Variants in FRMD4A observed in about 807,000 individuals in gnomAD.
The protein encoded by FRMD4A is FERM domain-containing protein 4A.
Under a neutral mutation model 129.1 loss-of-function variants are expected in FRMD4A, and 29 were observed. That is an observed-to-expected ratio of 0.22 (90% confidence interval 0.17 to 0.31). FRMD4A has a LOEUF of 0.31. Among genes scored for constraint, FRMD4A ranks in the 10% least tolerant of loss-of-function variants. The probability of loss-of-function intolerance (pLI) is 1.00; values close to 1 mark genes in which losing one functional copy is unlikely to be tolerated. For synonymous variants in FRMD4A, 634 were observed against 571.6 expected, an observed-to-expected ratio of 1.11 and a Z score of -1.56; for missense variants, 1,272 against 1,375.8, an observed-to-expected ratio of 0.92 and a Z score of 1.19.
At chr10:14,006,910 G>A (rs1024470233) in intron 2 of FRMD4A, among the ~76,000 whole-genome samples, 3 of 152,038 alleles carry the variant, frequency 2.0e-5, no homozygotes, top group Admixed American at 6.6e-5. Flanking sequence ...AATAAAGACC[G>A]ACACACAACC....
chr10:13,873,262 A>G lies in FRMD4A; in HGVS notation c.46-14350T>C, dbSNP rs1589118313. 3.7e-5 allele frequency among the ~76,000 whole-genome samples: 3 copies of G among 80,822 alleles called. 1 individual carries two copies. The highest frequency in any genetic ancestry group is 1.5e-4 in the African/African-American group (3 of 19,466). 53.0% of individuals were successfully genotyped at this position (80,822 alleles called of 152,430 possible). Reference sequence around the variant, plus strand: ...AGTTTTTAAAAGCCTAGAAAAAAAGATAAGGCTGAAAAAAAAAAAAGATAA... The same window carrying G: ...AGTTTTTAAAAGCCTAGAAAAAAAGGTAAGGCTGAAAAAAAAAAAAGATAA... On this transcript the variant is annotated intron_variant, in intron 2 of 24. Transcript: ENST00000357447.
chr10:14,186,209 C>G (rs1340222647), intron 2 of FRMD4A, among the ~76,000 whole-genome samples: 2 of 151,364 alleles, frequency 1.3e-5, no homozygotes, highest in African/African-American at 4.9e-5. Context: ...GATAACAAAA[C>G]AGGCTACAAT....
intron 2 of FRMD4A, among the ~76,000 whole-genome samples, chr10:14,119,328 A>C (rs1487069936): frequency 1.3e-5 from 2 of 152,094 alleles, no homozygotes; most frequent in Non-Finnish European, 2.9e-5. Context: ...TTAAAACTAC[A>C]CCTGCAGTAA....
chr10:14,049,144 T>C (rs755604360), intron 2 of FRMD4A, among the ~76,000 whole-genome samples: 4 of 152,208 alleles, frequency 2.6e-5, no homozygotes, highest in Admixed American at 6.5e-5. Flanking sequence ...GATCTAGGGA[T>C]GTGGCCTGTT....
intron 2 of FRMD4A, among the ~76,000 whole-genome samples, chr10:14,278,703 C>T (rs1167105701): frequency 1.3e-5 from 2 of 152,160 alleles, no homozygotes; most frequent in African/African-American, 2.4e-5. Context: ...GGGGATCATG[C>T]GTTTTCCAGC....
intron 12 of FRMD4A, among the ~76,000 whole-genome samples, chr10:13,723,123 G>A (rs1404995164): frequency 2.0e-5 from 3 of 151,776 alleles, no homozygotes; most frequent in Non-Finnish European, 4.4e-5. Flanking sequence ...CCCCATGCTA[G>A]TTAGCTACAT....
At chr10:13,796,874 C>A (rs890387410) in intron 4 of FRMD4A, among the ~76,000 whole-genome samples, 1 of 152,118 alleles carries the variant, frequency 6.6e-6, no homozygotes, top group African/African-American at 2.4e-5. Context: ...CATGAGCCAC[C>A]ATGCCCGGCT....
At chr10:13,778,102 A>G (rs1248265315) in intron 6 of FRMD4A, among the ~76,000 whole-genome samples, 1 of 151,920 alleles carries the variant, frequency 6.6e-6, no homozygotes, top group Non-Finnish European at 1.5e-5. Flanking sequence ...ACAATTTTTT[A>G]CTTGCCCTGC....
intron 5 of FRMD4A, among the ~76,000 whole-genome samples, chr10:13,795,939 A>C (rs75624971): frequency 0.023 from 3,506 of 152,230 alleles, 63 homozygotes; most frequent in Middle Eastern, 0.048. Context: ...CACAAAACAA[A>C]ATTTCTTAGA....
chr10:13,885,681 G>T (rs1205610333), intron 2 of FRMD4A, among the ~76,000 whole-genome samples: 1 of 152,112 alleles, frequency 6.6e-6, no homozygotes, highest in Non-Finnish European at 1.5e-5. Context: ...CTGCAGCCGT[G>T]GCTGCAGCCC....
chr10:13,884,178 A>ACTCT (rs1564971293), intron 2 of FRMD4A, among the ~76,000 whole-genome samples: 2 of 101,152 alleles, frequency 2.0e-5, no homozygotes, highest in South Asian at 4.3e-4. Context: ...TCACACACTC[A>ACTCT]CACACACACA....
At chr10:13,720,312 G>A (rs1318071233) in intron 12 of FRMD4A, among the ~76,000 whole-genome samples, 1 of 152,180 alleles carries the variant, frequency 6.6e-6, no homozygotes, top group Non-Finnish European at 1.5e-5. Flanking sequence ...GCCTCCCAAA[G>A]TGTTGGGATT....
intron 6 of FRMD4A, among the ~76,000 whole-genome samples, chr10:13,770,018 C>T (rs985708110): frequency 3.9e-5 from 6 of 152,114 alleles, no homozygotes; most frequent in African/African-American, 1.4e-4. Context: ...TAAGAAGTCT[C>T]TTTCTGTATA....
intron 2 of FRMD4A, among the ~76,000 whole-genome samples, chr10:13,919,275 A>T (rs1179395230): frequency 6.6e-6 from 1 of 152,226 alleles, no homozygotes; most frequent in Admixed American, 6.5e-5. Flanking sequence ...GCAGTTGGGT[A>T]TTGTTTGACT....
Position 14,324,789 on chromosome 10 carries a change from CA to C in FRMD4A, c.45+5268del, listed in dbSNP as rs1450233275. On this transcript the variant is annotated intron_variant, in intron 2 of 24. Transcript: ENST00000357447. Reference sequence around the variant, plus strand: ...GATTCTCCTGCCTCAGCCTCCCAAGCAGGTGGGACTACAGGTGCACCCCACC... The same window carrying C: ...GATTCTCCTGCCTCAGCCTCCCAAGCGGTGGGACTACAGGTGCACCCCACC... Among the ~76,000 whole-genome samples, 7 of 152,094 alleles carry C rather than the reference CA, an allele frequency of 4.6e-5. No individual in the cohort carries two copies. The South Asian group carries it at 1.2e-3, about 27-fold the overall frequency.
At chr10:13,878,094 T>C (rs777448081) in intron 2 of FRMD4A, among the ~76,000 whole-genome samples, 6 of 152,128 alleles carry the variant, frequency 3.9e-5, no homozygotes, top group Non-Finnish European at 7.3e-5. Context: ...GTGCATATCA[T>C]TAGTGAGCAG....
chr10:13,878,589 C>T (rs1463470378), intron 2 of FRMD4A, among the ~76,000 whole-genome samples: 1 of 151,888 alleles, frequency 6.6e-6, no homozygotes, highest in East Asian at 1.9e-4. Flanking sequence ...GTTGTCTCTA[C>T]TAAAAATACA....
At chr10:13,853,998 TAC>T (rs1166636247) in intron 3 of FRMD4A, among the ~76,000 whole-genome samples, 5 of 152,062 alleles carry the variant, frequency 3.3e-5, no homozygotes, top group African/African-American at 1.2e-4. Context: ...ACAGGATATC[TAC>T]AGTCTCACAA....
At chr10:13,928,869 G>C (rs149355327) in intron 2 of FRMD4A, among the ~76,000 whole-genome samples, 29 of 152,290 alleles carry the variant, frequency 1.9e-4, no homozygotes, top group Non-Finnish European at 3.7e-4. Context: ...TGCCTGTTCA[G>C]AGACGTGCAA....
Sources: allele counts gnomAD v4.1 joint callset (sites outside exome capture counted in the v4.1 genomes callset), GRCh38; gene constraint gnomAD v4.1.1; transcripts MANE v1.5; gene names NCBI Gene and HGNC (gene_info 2026-07-23, HGNC 2026-07-21).